HHAT: variants seen among roughly 807,000 people sequenced by gnomAD.
The protein encoded by HHAT is protein-cysteine N-palmitoyltransferase HHAT.
A neutral mutation model predicts 70.8 loss-of-function variants in HHAT; 47 were observed. The observed-to-expected ratio is 0.66, with a 90% CI of 0.53 to 0.85. HHAT has a LOEUF of 0.85. Among genes scored for constraint, HHAT ranks in the 40% least tolerant of loss-of-function variants. The pLI is 0.00. For missense variants in HHAT, 609 were observed against 604.8 expected (o/e 1.01, Z -0.07); for synonymous variants, 228 against 247.6 (o/e 0.92, Z 0.74).
At chr1:210,618,526 C>A (rs960905781) in intron 10 of HHAT, among the ~76,000 whole-genome samples, 1 of 152,192 alleles carries the variant, frequency 6.6e-6, no homozygotes, top group Admixed American at 6.5e-5. Flanking sequence ...AGCATCAGGT[C>A]CCACTTGCCA....
At chr1:210,361,923 C>A (rs1168080778) in intron 2 of HHAT, among the ~76,000 whole-genome samples, 1 of 152,146 alleles carries the variant, frequency 6.6e-6, no homozygotes. Flanking sequence ...TGCATCATGG[C>A]ACTGATCAGC....
At chr1:210,547,808 C>T (rs2095496622) in intron 9 of HHAT, among the ~76,000 whole-genome samples, 1 of 152,176 alleles carries the variant, frequency 6.6e-6, no homozygotes, top group Admixed American at 6.5e-5. Context: ...CACCGAACAA[C>T]CTATTTCTGT....
At chr1:210,470,385 A>C (rs903301098) in intron 8 of HHAT, among the ~76,000 whole-genome samples, 3 of 152,050 alleles carry the variant, frequency 2.0e-5, no homozygotes, top group Non-Finnish European at 4.4e-5. Flanking sequence ...ATATTACCTC[A>C]CATTTTAGGT....
At chr1:210,524,115 G>A (rs1234346819) in intron 9 of HHAT, among the ~76,000 whole-genome samples, 2 of 152,196 alleles carry the variant, frequency 1.3e-5, no homozygotes, top group Non-Finnish European at 2.9e-5. Flanking sequence ...GTTGTTAATC[G>A]GGTATAAAGT....
At chr1:210,460,169 GGA>G (rs1200122926) in intron 7 of HHAT, among the ~76,000 whole-genome samples, 3 of 152,178 alleles carry the variant, frequency 2.0e-5, no homozygotes, top group Non-Finnish European at 4.4e-5. Context: ...GACCACCTTT[GGA>G]ATTAGGACAG....
intron 7 of HHAT, among the ~76,000 whole-genome samples, chr1:210,424,607 G>A (rs12137102): frequency 0.12 from 17,305 of 149,538 alleles, 1,249 homozygotes; most frequent in East Asian, 0.24. Flanking sequence ...CCTCCACCCC[G>A]TGATAGGCCC....
At chr1:210,346,186 G>C (rs969954181) in intron 1 of HHAT, among the ~76,000 whole-genome samples, 2 of 151,998 alleles carry the variant, frequency 1.3e-5, no homozygotes, top group Non-Finnish European at 2.9e-5. Flanking sequence ...TCCCTGAAAA[G>C]CATCTAATGG....
At chr1:210,433,974 CAT>C (rs1366188181) in intron 7 of HHAT, among the ~76,000 whole-genome samples, 1 of 151,852 alleles carries the variant, frequency 6.6e-6, no homozygotes, top group Admixed American at 6.5e-5. Context: ...CTGCATTAGA[CAT>C]ATCTTACTGG....
At chr1:210,331,285 G>A (rs1322997417) in intron 1 of HHAT, among the ~76,000 whole-genome samples, 1 of 152,040 alleles carries the variant, frequency 6.6e-6, no homozygotes, top group Non-Finnish European at 1.5e-5. Flanking sequence ...CACCCAAAGT[G>A]TGTTTGCTTA....
intron 1 of HHAT, among the ~76,000 whole-genome samples, chr1:210,330,988 ATTT>A (rs2084934009): frequency 6.6e-6 from 1 of 151,812 alleles, no homozygotes; most frequent in African/African-American, 2.4e-5. Flanking sequence ...TAATTTTTGT[ATTT>A]TTAGTAGAGA....
intron 11 of HHAT, among the ~76,000 whole-genome samples, chr1:210,673,957 C>CTTT (rs1318957937): frequency 0.059 from 8,381 of 141,484 alleles, 387 homozygotes; most frequent in Admixed American, 0.087. Context: ...TGCCCTATTT[C>CTTT]TTTTTTTTTT....
intron 10 of HHAT, among the ~76,000 whole-genome samples, chr1:210,610,276 T>A (rs1387773097): frequency 6.6e-6 from 1 of 152,240 alleles, no homozygotes; most frequent in Non-Finnish European, 1.5e-5. Context: ...TGATCAGTGA[T>A]GTTGAGCTTT....
chr1:210,581,769 T>C (rs892691165), intron 9 of HHAT, among the ~76,000 whole-genome samples: 1 of 152,222 alleles, frequency 6.6e-6, no homozygotes, highest in Non-Finnish European at 1.5e-5. Flanking sequence ...CAGGACCTTA[T>C]AATCAATCAT....
At chr1:210,649,857 A>C (rs1247865669) in intron 11 of HHAT, among the ~76,000 whole-genome samples, 3 of 152,244 alleles carry the variant, frequency 2.0e-5, no homozygotes, top group Non-Finnish European at 4.4e-5. Flanking sequence ...TAAAACCACA[A>C]GGCACTTATG....
intron 3 of HHAT, among the ~76,000 whole-genome samples, chr1:210,363,473 G>T (rs1434182550): frequency 2.0e-5 from 3 of 152,210 alleles, no homozygotes; most frequent in Non-Finnish European, 4.4e-5. Context: ...GATGTGACCA[G>T]TAGCACTTCT....
intron 10 of HHAT, among the ~76,000 whole-genome samples, chr1:210,596,899 C>T (rs1300218048): frequency 6.6e-6 from 1 of 152,086 alleles, no homozygotes; most frequent in African/African-American, 2.4e-5. Flanking sequence ...GGTATTTGGC[C>T]ATTGAAGAGT....
intron 11 of HHAT, among the ~76,000 whole-genome samples, chr1:210,657,592 T>C (rs542570955): frequency 1.6e-4 from 25 of 152,236 alleles, no homozygotes; most frequent in Non-Finnish European, 2.5e-4. Context: ...TCAAGTCAAG[T>C]AATTTAGAAT....
rs1665636657 is a variant in HHAT at position 210,607,199 on chromosome 1, T to C, written c.1246-16327T>C. ...ATTTGGTGTATAAATGGCTTTCATC[T>C]CTTTAGCATCTAGTATTTGGGTATC... On this transcript the variant is annotated intron_variant, in intron 10 of 11. Transcript: ENST00000261458. Among the ~76,000 whole-genome samples, 4 of 152,146 alleles carry C rather than the reference T, an allele frequency of 2.6e-5. 1 individual carries two copies. Among genetic ancestry groups the C allele is most frequent in the Admixed American group, 2.0e-4 (3 of 15,260 alleles).
intron 11 of HHAT, among the ~76,000 whole-genome samples, chr1:210,661,099 G>A (rs1296442839): frequency 6.6e-6 from 1 of 152,168 alleles, no homozygotes; most frequent in African/African-American, 2.4e-5. Context: ...CTTCTGCACA[G>A]CAAAAGAAAC....
Sources: allele counts gnomAD v4.1 joint callset (sites outside exome capture counted in the v4.1 genomes callset), GRCh38; gene constraint gnomAD v4.1.1; transcripts MANE v1.5; gene names NCBI Gene and HGNC (gene_info 2026-07-23, HGNC 2026-07-21).